Variants in OSBPL10 observed in about 807,000 individuals in gnomAD.
OSBPL10 encodes oxysterol binding protein like 10, also known as oxysterol-binding protein-related protein 10.
In OSBPL10, 49 loss-of-function variants were observed where a neutral mutation model predicts 81.7. The ratio of observed to expected loss-of-function variants is 0.60; its 90% CI spans 0.48 to 0.76. The LOEUF (loss-of-function observed/expected upper bound fraction) is 0.76. Ranked by LOEUF, OSBPL10 falls within the 30% of genes least tolerant of loss-of-function variation. OSBPL10 has a pLI of 0.00. For synonymous variants in OSBPL10, 419 were observed against 383.6 expected (o/e 1.09, Z -1.08); for missense variants, 923 against 987.8 (o/e 0.93, Z 0.88).
intron 4 of OSBPL10, among the ~76,000 whole-genome samples, chr3:31,823,360 C>G (rs1297397285): frequency 6.6e-6 from 1 of 152,172 alleles, no homozygotes; most frequent in Non-Finnish European, 1.5e-5. Context: ...TAAGATGTGA[C>G]CTTTCACATA....
chr3:31,913,943 G>C (rs899586796), intron 1 of OSBPL10, among the ~76,000 whole-genome samples: 1 of 152,164 alleles, frequency 6.6e-6, no homozygotes, highest in Non-Finnish European at 1.5e-5. Flanking sequence ...TTGTTTTTGA[G>C]ACGGAGTCTT....
intron 5 of OSBPL10, among the ~76,000 whole-genome samples, chr3:31,738,658 C>G (rs1209504305): frequency 1.3e-5 from 2 of 152,132 alleles, no homozygotes; most frequent in Admixed American, 1.3e-4. Flanking sequence ...GTACATATTA[C>G]CACCATGCCT....
Position 31,859,047 on chromosome 3 carries a change from G to A in OSBPL10, c.537+17386C>T, listed in dbSNP as rs552924621. Among the ~76,000 whole-genome samples the A allele has an allele frequency of 2.0e-5, 3 of 152,270 alleles. No homozygotes were observed. In the South Asian group the frequency reaches 6.2e-4, roughly 32 times the overall value. On this transcript the variant is annotated intron_variant, in intron 3 of 11. Coordinates refer to ENST00000396556, the MANE Select transcript of OSBPL10 (RefSeq NM_017784.5). ...CCTGTAGGGTTGATGCCATTATTTT[G>A]CCCAATTTACAGAAGTGAAAACTGA... is the stretch of plus-strand genomic sequence containing the variant.
intron 2 of OSBPL10, among the ~76,000 whole-genome samples, chr3:31,999,650 C>A (rs1484311933): frequency 6.6e-6 from 1 of 152,050 alleles, no homozygotes; most frequent in Admixed American, 6.6e-5. Context: ...TGTGAGCCAC[C>A]GTGCCCGGCC....
chr3:31,901,175 C>T (rs1029287170), intron 1 of OSBPL10, among the ~76,000 whole-genome samples: 1 of 152,226 alleles, frequency 6.6e-6, no homozygotes, highest in Non-Finnish European at 1.5e-5. Context: ...GATCTCCCCA[C>T]ATCCATTCTC....
At chr3:31,907,900 A>AG (rs1266201368) in intron 1 of OSBPL10, among the ~76,000 whole-genome samples, 3 of 152,134 alleles carry the variant, frequency 2.0e-5, no homozygotes, top group African/African-American at 7.2e-5. Context: ...ACACAAACAT[A>AG]GTAAGTGTCC....
At chr3:31,915,355 T>C (rs2125698487) in intron 1 of OSBPL10, among the ~76,000 whole-genome samples, 1 of 152,214 alleles carries the variant, frequency 6.6e-6, no homozygotes, top group South Asian at 2.1e-4. Flanking sequence ...AGACATGGAA[T>C]CAACTTAAGT....
At chr3:31,882,578 C>T (rs544528556) in intron 1 of OSBPL10, among the ~76,000 whole-genome samples, 67 of 152,356 alleles carry the variant, frequency 4.4e-4, no homozygotes, top group Admixed American at 1.3e-3. Flanking sequence ...AGAGAAGCCA[C>T]ATCCAGAACA....
intron 2 of OSBPL10, chr3:31,990,648 A>G: frequency 6.2e-7 from 1 of 1,614,218 alleles, no homozygotes; most frequent in Non-Finnish European, 8.5e-7. Flanking sequence ...ATCAACAAGC[A>G]ACCCTTGCAC....
At chr3:32,069,245 C>A (rs1414952721) in intron 1 of OSBPL10, among the ~76,000 whole-genome samples, 1 of 152,134 alleles carries the variant, frequency 6.6e-6, no homozygotes, top group African/African-American at 2.4e-5. Flanking sequence ...CTGACTTCTA[C>A]CCTCTCCCCA....
At chr3:31,724,913 C>A (rs928833243) in intron 6 of OSBPL10, among the ~76,000 whole-genome samples, 1 of 152,138 alleles carries the variant, frequency 6.6e-6, no homozygotes. Context: ...ACCATAGAAG[C>A]ACATCTTCAA....
Position 32,008,760 on chromosome 3 carries a change from GAAA to G in OSBPL10, n.298+37728_298+37730del, listed in dbSNP as rs11328847. On this transcript the variant is annotated intron_variant and non_coding_transcript_variant, in intron 2 of 3. Transcript: ENST00000479173. ...GGGAGACAGAGTGAGATCCTGACTGGAAAAAAAAAAAAAAAAAGAAGAACAAAA... is the reference window on the plus strand; with the variant it reads ...GGGAGACAGAGTGAGATCCTGACTGGAAAAAAAAAAAAAAGAAGAACAAAA... Among the ~76,000 whole-genome samples, 46 of 114,482 alleles carry G rather than the reference GAAA, an allele frequency of 4.0e-4. No individual in the cohort carries two copies. The South Asian group carries it at 9.2e-3, about 23-fold the overall frequency. The allele number at this position is 114,482 out of a possible 152,430, so 75.1% of individuals were successfully genotyped here.
chr3:31,740,972 A>G (rs150832720), intron 5 of OSBPL10, among the ~76,000 whole-genome samples: 247 of 151,966 alleles, frequency 1.6e-3, no homozygotes, highest in African/African-American at 5.5e-3. Context: ...CAAAAATCAT[A>G]AGGAGACTAA....
At chr3:31,713,264 C>T (rs2125620264) in intron 6 of OSBPL10, among the ~76,000 whole-genome samples, 1 of 152,316 alleles carries the variant, frequency 6.6e-6, no homozygotes, top group African/African-American at 2.4e-5. Flanking sequence ...TCTGCTCACC[C>T]CTCCCAGCCA....
chr3:32,024,283 GT>G (rs1699383443), intron 2 of OSBPL10, among the ~76,000 whole-genome samples: 1 of 152,120 alleles, frequency 6.6e-6, no homozygotes, highest in East Asian at 1.9e-4. Context: ...TCTGTTGAAT[GT>G]AAATCAATTT....
chr3:31,677,938 G>A (rs1243008907), intron 8 of OSBPL10, among the ~76,000 whole-genome samples: 11 of 150,918 alleles, frequency 7.3e-5, no homozygotes, highest in South Asian at 2.1e-4. Flanking sequence ...AAAATTAGCC[G>A]GGCGCGGTGG....
intron 1 of OSBPL10, among the ~76,000 whole-genome samples, chr3:31,917,751 CT>C (rs887969736): frequency 8.6e-5 from 13 of 150,348 alleles, no homozygotes; most frequent in Non-Finnish European, 1.6e-4. Context: ...CTTTTTTCCT[CT>C]TGGCTTCCAG....
intron 1 of OSBPL10, among the ~76,000 whole-genome samples, chr3:31,971,400 AGTGT>A (rs1698564382): frequency 6.6e-6 from 1 of 152,114 alleles, no homozygotes; most frequent in Non-Finnish European, 1.5e-5. Context: ...TCGGCCTCCC[AGTGT>A]GCTGGGATTA....
intron 1 of OSBPL10, among the ~76,000 whole-genome samples, chr3:31,902,724 G>A (rs948454593): frequency 1.3e-5 from 2 of 152,100 alleles, no homozygotes; most frequent in Non-Finnish European, 2.9e-5. Context: ...CACCACGCCT[G>A]GCTAATTTTT....
Sources: gnomAD v4.1 joint callset for allele counts (sites outside exome capture counted in the v4.1 genomes callset) on GRCh38, gnomAD v4.1.1 for gene constraint, MANE v1.5 for transcripts, NCBI Gene and HGNC (gene_info 2026-07-23, HGNC 2026-07-21) for gene names.